The following FHIT variants were observed in gnomAD, a reference collection of about 807,000 sequenced individuals.
FHIT encodes the protein fragile histidine triad diadenosine triphosphatase.
A neutral mutation model predicts 17.9 loss-of-function variants in FHIT; 19 were observed. That is an observed-to-expected ratio of 1.06 (90% confidence interval 0.74 to 1.56). FHIT has a LOEUF of 1.56. FHIT is among the 40% of genes most tolerant of loss of function. The pLI, the probability that FHIT is intolerant of heterozygous loss-of-function variation, is 0.00. For synonymous variants in FHIT, 81 were observed against 69.7 expected (o/e 1.16, Z -0.81); for missense variants, 248 against 189.2 (o/e 1.31, Z -1.82).
At chr3:61,205,694 G>A (rs1410007863) in intron 1 of FHIT, among the ~76,000 whole-genome samples, 2 of 152,164 alleles carry the variant, frequency 1.3e-5, no homozygotes, top group Non-Finnish European at 2.9e-5. Context: ...ATTTATTTGA[G>A]TTCATTGTAG....
intron 5 of FHIT, among the ~76,000 whole-genome samples, chr3:60,336,996 T>C (rs368465456): frequency 1.3e-5 from 2 of 152,176 alleles, no homozygotes; most frequent in East Asian, 3.9e-4. Context: ...AAATTTCATT[T>C]ATATATACTG....
chr3:60,690,972 G>A (rs538973489), intron 4 of FHIT, among the ~76,000 whole-genome samples: 1 of 152,058 alleles, frequency 6.6e-6, no homozygotes, highest in Non-Finnish European at 1.5e-5. Flanking sequence ...CTGATTTTTT[G>A]CTCCTTTATA....
At chr3:61,240,114 G>T (rs2040338130) in intron 1 of FHIT, among the ~76,000 whole-genome samples, 1 of 152,110 alleles carries the variant, frequency 6.6e-6, no homozygotes, top group Non-Finnish European at 1.5e-5. Flanking sequence ...TTTAGAGGAA[G>T]CTTTATCCCT....
intron 8 of FHIT, among the ~76,000 whole-genome samples, chr3:59,878,848 C>G (rs572881135): frequency 2.0e-5 from 3 of 152,108 alleles, no homozygotes; most frequent in Non-Finnish European, 4.4e-5. Flanking sequence ...AAACCCCATC[C>G]CCATGGCAGC....
intron 5 of FHIT, among the ~76,000 whole-genome samples, chr3:60,342,573 A>T (rs1268487706): frequency 6.6e-6 from 1 of 152,226 alleles, no homozygotes; most frequent in African/African-American, 2.4e-5. Flanking sequence ...CAACAGCAAG[A>T]TGATTTACAT....
At chr3:60,449,304 G>A (rs987336526) in intron 5 of FHIT, among the ~76,000 whole-genome samples, 3 of 152,120 alleles carry the variant, frequency 2.0e-5, no homozygotes, top group Admixed American at 2.0e-4. Context: ...ATGCAACTGT[G>A]AGAAAGTCAC....
chr3:61,074,347 G>A (rs1267059233), intron 2 of FHIT, among the ~76,000 whole-genome samples: 1 of 152,126 alleles, frequency 6.6e-6, no homozygotes, highest in Non-Finnish European at 1.5e-5. Context: ...AAAAGAGTAT[G>A]CAAGAATATC....
chr3:61,019,366 A>G (rs2032282540), intron 3 of FHIT, among the ~76,000 whole-genome samples: 1 of 152,214 alleles, frequency 6.6e-6, no homozygotes, highest in African/African-American at 2.4e-5. Context: ...GATGTCTTGA[A>G]TGTTGCAAGG....
intron 5 of FHIT, among the ~76,000 whole-genome samples, chr3:60,267,826 T>C (rs1425256343): frequency 6.6e-6 from 1 of 152,024 alleles, no homozygotes; most frequent in Admixed American, 6.5e-5. Flanking sequence ...TACAAAACTA[T>C]TTATTGAAGA....
chr3:61,250,172 C>T (rs1399704311), intron 1 of FHIT, among the ~76,000 whole-genome samples: 1 of 152,202 alleles, frequency 6.6e-6, no homozygotes, highest in East Asian at 1.9e-4. Context: ...CAAAATGGCA[C>T]GCCACGAGGT....
At chr3:60,329,494 C>G (rs1709858997) in intron 5 of FHIT, among the ~76,000 whole-genome samples, 1 of 152,192 alleles carries the variant, frequency 6.6e-6, no homozygotes. Context: ...TGTATCTTAA[C>G]CTGTAGTCAT....
At chr3:60,995,343 A>G (rs2030590209) in intron 3 of FHIT, among the ~76,000 whole-genome samples, 1 of 152,080 alleles carries the variant, frequency 6.6e-6, no homozygotes. Context: ...TAATAATAAT[A>G]GTTTAATAAC....
At chr3:59,765,656 C>T (rs1357013422) in intron 8 of FHIT, among the ~76,000 whole-genome samples, 2 of 152,156 alleles carry the variant, frequency 1.3e-5, no homozygotes, top group African/African-American at 4.8e-5. Flanking sequence ...AGAAGATATA[C>T]TGGAATAACC....
At chr3:60,381,809 T>C (rs563631952) in intron 5 of FHIT, among the ~76,000 whole-genome samples, 3 of 129,006 alleles carry the variant, frequency 2.3e-5, no homozygotes, top group Middle Eastern at 3.8e-3. Flanking sequence ...GTGATGATAA[T>C]GGCTCTGTAA....
At chr3:60,986,929 C>T (rs1710744319) in intron 3 of FHIT, among the ~76,000 whole-genome samples, 1 of 152,200 alleles carries the variant, frequency 6.6e-6, no homozygotes, top group African/African-American at 2.4e-5. Context: ...TATAAGTCTA[C>T]ATTGCTTGGT....
At chr3:60,389,268 G>T (rs1478505209) in intron 5 of FHIT, among the ~76,000 whole-genome samples, 1 of 152,114 alleles carries the variant, frequency 6.6e-6, no homozygotes, top group Non-Finnish European at 1.5e-5. Context: ...AGCCCTCCAG[G>T]TAATTCTGAT....
chr3:60,751,474 C>A (rs2042465297), intron 4 of FHIT, among the ~76,000 whole-genome samples: 1 of 152,124 alleles, frequency 6.6e-6, no homozygotes, highest in Non-Finnish European at 1.5e-5. Context: ...AAAATATGGG[C>A]AAAGGATAGG....
At chr3:60,113,798 G>A (rs1434245726) in intron 5 of FHIT, among the ~76,000 whole-genome samples, 4 of 149,114 alleles carry the variant, frequency 2.7e-5, no homozygotes, top group Admixed American at 6.7e-5. Flanking sequence ...TGAGGAGATC[G>A]AGACCATCCT....
intron 4 of FHIT, among the ~76,000 whole-genome samples, chr3:60,804,495 T>C (rs1701313446): frequency 6.6e-6 from 1 of 152,196 alleles, no homozygotes; most frequent in Non-Finnish European, 1.5e-5. Flanking sequence ...TTTTAACCCA[T>C]CTATGCCTCA....
Sources: gnomAD v4.1 joint callset for allele counts (sites outside exome capture counted in the v4.1 genomes callset) on GRCh38, gnomAD v4.1.1 for gene constraint, MANE v1.5 for transcripts, NCBI Gene and HGNC (gene_info 2026-07-23, HGNC 2026-07-21) for gene names.